The following ATP11B variants were observed in gnomAD, a reference collection of about 807,000 sequenced individuals.
The protein encoded by ATP11B is phospholipid-transporting ATPase IF.
ATP11B carries 81 observed loss-of-function variants against 157.8 expected under a neutral mutation model. The ratio of observed to expected loss-of-function variants is 0.51; its 90% CI spans 0.43 to 0.62. The LOEUF (loss-of-function observed/expected upper bound fraction) is 0.62. ATP11B is among the 20% of genes least tolerant of loss of function. The pLI is 0.00. For missense variants in ATP11B, 1,165 were observed against 1,402.2 expected, an observed-to-expected ratio of 0.83 and a Z score of 2.70; for synonymous variants, 451 against 469.4, an observed-to-expected ratio of 0.96 and a Z score of 0.51.
intron 2 of ATP11B, among the ~76,000 whole-genome samples, chr3:182,827,038 A>T (rs1275461984): frequency 6.6e-6 from 1 of 152,174 alleles, no homozygotes; most frequent in African/African-American, 2.4e-5. Flanking sequence ...CTATTCTGCA[A>T]AATATTTGAT....
At chr3:182,826,213 A>G (rs899668213) in intron 2 of ATP11B, among the ~76,000 whole-genome samples, 9 of 152,206 alleles carry the variant, frequency 5.9e-5, no homozygotes, top group South Asian at 2.1e-4. Flanking sequence ...ACTAGAAACA[A>G]TTTCTACCAT....
chr3:182,823,136 A>G (rs1210547113), intron 2 of ATP11B, among the ~76,000 whole-genome samples: 1 of 152,110 alleles, frequency 6.6e-6, no homozygotes, highest in East Asian at 1.9e-4. Context: ...CCATTTGTCA[A>G]TTTTGGCTTT....
At chr3:182,834,392 T>C (rs1049350473) in intron 4 of ATP11B, among the ~76,000 whole-genome samples, 1 of 152,126 alleles carries the variant, frequency 6.6e-6, no homozygotes, top group African/African-American at 2.4e-5. Context: ...CAGCACAAAA[T>C]AGAATATAGT....
In ATP11B at chr3:182,836,490, A is replaced by G. The variant is rs1331638678; in HGVS notation, c.552+20A>G. On this transcript the variant is annotated intron_variant, in intron 6 of 29. Transcript: ENST00000323116. Reference sequence around the variant, plus strand: ...CTGAAGGTTTGCTTGCATATGTTTGAGTATTGCTCTTGGTGAACAAAGTGT... The same window carrying G: ...CTGAAGGTTTGCTTGCATATGTTTGGGTATTGCTCTTGGTGAACAAAGTGT... 6.2e-7 allele frequency: 1 copy of G among 1,613,646 alleles called. No individual in the cohort carries two copies. Among genetic ancestry groups the G allele is most frequent in the South Asian group, 1.1e-5 (1 of 91,016 alleles).
At chr3:182,795,257 C>T (rs1174491951) in intron 1 of ATP11B, among the ~76,000 whole-genome samples, 3 of 152,144 alleles carry the variant, frequency 2.0e-5, no homozygotes, top group Non-Finnish European at 4.4e-5. Context: ...CAGATTTGAT[C>T]TTATGCTTTT....
chr3:182,809,188 AAAGACT>A (rs1716504305), intron 1 of ATP11B, among the ~76,000 whole-genome samples: 1 of 152,006 alleles, frequency 6.6e-6, no homozygotes, highest in Non-Finnish European at 1.5e-5. Context: ...ATTAACAATT[AAAGACT>A]AAGTTTCCTA....
chr3:182,843,290 ATAATT>A (rs1719195833), intron 8 of ATP11B, among the ~76,000 whole-genome samples: 1 of 152,238 alleles, frequency 6.6e-6, no homozygotes, highest in African/African-American at 2.4e-5. Context: ...TGATATCAGA[ATAATT>A]TAGTAAGATT....
chr3:182,810,097 C>T (rs923554649), intron 1 of ATP11B, among the ~76,000 whole-genome samples: 3 of 152,000 alleles, frequency 2.0e-5, no homozygotes, highest in Non-Finnish European at 2.9e-5. Flanking sequence ...TTTGGGAAGC[C>T]GAGGCGAGCA....
chr3:182,909,881 T>C (rs1026823305), intron 28 of ATP11B, among the ~76,000 whole-genome samples: 2 of 151,534 alleles, frequency 1.3e-5, no homozygotes, highest in Admixed American at 6.6e-5. Flanking sequence ...CTGGGCAACA[T>C]GGTGAAACTT....
chr3:182,841,446 A>G (rs1719014999), intron 7 of ATP11B, among the ~76,000 whole-genome samples: 1 of 152,182 alleles, frequency 6.6e-6, no homozygotes, highest in Non-Finnish European at 1.5e-5. Context: ...TAAACATTGT[A>G]TACCCTTTGA....
chr3:182,852,639 G>C (rs915333419), intron 10 of ATP11B, among the ~76,000 whole-genome samples: 6 of 152,210 alleles, frequency 3.9e-5, no homozygotes. Flanking sequence ...CATGGTGCTA[G>C]AACAGGTGGA....
chr3:182,905,806 A>G, intron 28 of ATP11B: 1 of 456,750 alleles, frequency 2.2e-6, no homozygotes, highest in Non-Finnish European at 4.4e-6. Flanking sequence ...GGAAGAAGAT[A>G]AGGGTTCAGT....
intron 25 of ATP11B, among the ~76,000 whole-genome samples, chr3:182,890,553 A>G (rs748946534): frequency 6.6e-6 from 1 of 152,194 alleles, no homozygotes; most frequent in Non-Finnish European, 1.5e-5. Flanking sequence ...TTTCAAATGT[A>G]GAGGCCTTAA....
At chr3:182,806,439 T>C (rs191737235) in intron 1 of ATP11B, among the ~76,000 whole-genome samples, 1 of 152,324 alleles carries the variant, frequency 6.6e-6, no homozygotes, top group Non-Finnish European at 1.5e-5. Flanking sequence ...TAAAATATTA[T>C]TTCTCAGCCT....
At chr3:182,906,137 A>G (rs925541180) in intron 28 of ATP11B, among the ~76,000 whole-genome samples, 2 of 152,194 alleles carry the variant, frequency 1.3e-5, no homozygotes, top group Non-Finnish European at 2.9e-5. Context: ...TAGAGTTCCA[A>G]AGATAAATCA....
At chr3:182,875,195 G>A (rs982252521) in intron 19 of ATP11B, among the ~76,000 whole-genome samples, 5 of 152,150 alleles carry the variant, frequency 3.3e-5, no homozygotes, top group African/African-American at 1.2e-4. Flanking sequence ...AGAGCTGCTT[G>A]TATGTAAGCA....
intron 12 of ATP11B, among the ~76,000 whole-genome samples, chr3:182,863,547 C>T (rs1247440706): frequency 6.6e-6 from 1 of 151,984 alleles, no homozygotes; most frequent in Admixed American, 6.5e-5. Context: ...TGTATGTTTA[C>T]TGCCTCTATT....
At chr3:182,903,268 G>A (rs1175460318) in intron 28 of ATP11B, among the ~76,000 whole-genome samples, 1 of 152,074 alleles carries the variant, frequency 6.6e-6, no homozygotes, top group African/African-American at 2.4e-5. Context: ...TTTCTTTTTA[G>A]AAATTGACAC....
At chr3:182,803,362 A>G (rs1716130293) in intron 1 of ATP11B, among the ~76,000 whole-genome samples, 1 of 152,122 alleles carries the variant, frequency 6.6e-6, no homozygotes, top group Non-Finnish European at 1.5e-5. Context: ...CCCGTTTTCC[A>G]TTGGGTAGTT....
Sources: gnomAD v4.1 joint callset for allele counts (sites outside exome capture counted in the v4.1 genomes callset) on GRCh38, gnomAD v4.1.1 for gene constraint, MANE v1.5 for transcripts, NCBI Gene and HGNC (gene_info 2026-07-23, HGNC 2026-07-21) for gene names.